Variants in MBD5 observed in about 807,000 individuals in gnomAD.
MBD5 encodes the protein methyl-CpG-binding domain protein 5.
A neutral mutation model predicts 117.3 loss-of-function variants in MBD5; 13 were observed. That is an observed-to-expected ratio of 0.11 (90% confidence interval 0.07 to 0.18). The LOEUF (loss-of-function observed/expected upper bound fraction) is 0.18, where lower values mean the gene tolerates loss of function less well. MBD5 is among the 10% of genes least tolerant of loss of function. MBD5 has a pLI of 1.00. For missense variants in MBD5, 1,879 were observed against 2,093.8 expected (o/e 0.90, Z 2.00); for synonymous variants, 727 against 766.4 (o/e 0.95, Z 0.85).
intron 3 of MBD5, among the ~76,000 whole-genome samples, chr2:148,282,902 C>G (rs1186231382): frequency 7.0e-6 from 1 of 143,680 alleles, no homozygotes; most frequent in Non-Finnish European, 1.5e-5. Context: ...CTTAACCGCC[C>G]CCCCCCATCA....
At chr2:148,174,899 A>T (rs1698348311) in intron 1 of MBD5, among the ~76,000 whole-genome samples, 1 of 152,174 alleles carries the variant, frequency 6.6e-6, no homozygotes, top group Non-Finnish European at 1.5e-5. Flanking sequence ...GTTCCTCAAT[A>T]AACTAAAAAT....
intron 4 of MBD5, among the ~76,000 whole-genome samples, chr2:148,391,317 T>G (rs192558518): frequency 1.0e-3 from 152 of 152,292 alleles, no homozygotes; most frequent in Admixed American, 5.3e-3. Context: ...TTTTATCATA[T>G]GAGTATATAT....
intron 3 of MBD5, among the ~76,000 whole-genome samples, chr2:148,313,896 G>C (rs1702093832): frequency 6.6e-6 from 1 of 152,078 alleles, no homozygotes; most frequent in Non-Finnish European, 1.5e-5. Context: ...AAGGGAGGGA[G>C]TTCTCTGACC....
chr2:148,492,397 C>A (rs912412806), intron 11 of MBD5, among the ~76,000 whole-genome samples: 1 of 151,830 alleles, frequency 6.6e-6, no homozygotes, highest in Non-Finnish European at 1.5e-5. Context: ...AAGTAAAAAC[C>A]TTTATATCAA....
At chr2:148,128,655 A>G (rs954172072) in intron 1 of MBD5, among the ~76,000 whole-genome samples, 2 of 152,228 alleles carry the variant, frequency 1.3e-5, no homozygotes, top group African/African-American at 4.8e-5. Flanking sequence ...CAACATGACT[A>G]TATGGTAGAT....
At chr2:148,273,268 G>A (rs879489025) in intron 3 of MBD5, among the ~76,000 whole-genome samples, 2 of 152,112 alleles carry the variant, frequency 1.3e-5, no homozygotes, top group Admixed American at 1.3e-4. Flanking sequence ...TTAAAACAAA[G>A]ATGATTAACA....
intron 4 of MBD5, among the ~76,000 whole-genome samples, chr2:148,357,954 T>C (rs934147778): frequency 2.3e-4 from 35 of 152,294 alleles, no homozygotes; most frequent in Non-Finnish European, 4.3e-4. Flanking sequence ...TGAACCTCCC[T>C]GTGTATCTAC....
chr2:148,227,431 C>T (rs376668206), intron 2 of MBD5, among the ~76,000 whole-genome samples: 106 of 152,138 alleles, frequency 7.0e-4, no homozygotes, highest in African/African-American at 2.0e-3. Flanking sequence ...TGTAGATACG[C>T]GGCATTATTT....
chr2:148,477,024 C>T (rs954286271), intron 8 of MBD5, among the ~76,000 whole-genome samples: 2 of 151,934 alleles, frequency 1.3e-5, no homozygotes, highest in South Asian at 2.1e-4. Context: ...AACCCTATTA[C>T]TTGAGTAAAC....
chr2:148,279,896 G>A (rs531779202), intron 3 of MBD5, among the ~76,000 whole-genome samples: 5 of 151,838 alleles, frequency 3.3e-5, no homozygotes, highest in African/African-American at 4.8e-5. Flanking sequence ...TGATCCTCCC[G>A]CCTCAACCTC....
chr2:148,290,795 A>C (rs1410577288), intron 3 of MBD5, among the ~76,000 whole-genome samples: 1 of 152,198 alleles, frequency 6.6e-6, no homozygotes, highest in Non-Finnish European at 1.5e-5. Flanking sequence ...CTTTTTAGCT[A>C]TAGTGAATAA....
chr2:148,496,017 G>A (rs1681691635), intron 11 of MBD5, among the ~76,000 whole-genome samples: 2 of 152,202 alleles, frequency 1.3e-5, no homozygotes, highest in South Asian at 4.1e-4. Flanking sequence ...TTTGAAGAAT[G>A]TTCTTTCTGT....
At chr2:148,509,960 T>C (rs1014556673) in intron 12 of MBD5, 100 bp from the exon 13 acceptor site, 26 of 918,732 alleles carry the variant, frequency 2.8e-5, no homozygotes, top group South Asian at 5.6e-5. Flanking sequence ...AAATTGGCTT[T>C]CTCTCGTGGA....
At chr2:148,144,809 C>G (rs1697409125) in intron 1 of MBD5, among the ~76,000 whole-genome samples, 1 of 152,024 alleles carries the variant, frequency 6.6e-6, no homozygotes, top group Non-Finnish European at 1.5e-5. Flanking sequence ...TGTTCTGTAT[C>G]TCTGTTTTGG....
intron 3 of MBD5, among the ~76,000 whole-genome samples, chr2:148,324,336 A>G (rs1163680671): frequency 2.0e-5 from 3 of 152,096 alleles, no homozygotes; most frequent in Non-Finnish European, 4.4e-5. Flanking sequence ...TTGTGGTTCC[A>G]TATGAACTTT....
In MBD5 at chr2:148,105,300, C is replaced by T. The variant is rs1291020901; in HGVS notation, c.-924-73400C>T. Among the ~76,000 whole-genome samples the T allele has an allele frequency of 2.6e-5, 4 of 151,906 alleles. No homozygotes were observed. In the East Asian group the frequency reaches 5.8e-4, roughly 22 times the overall value. ...AAAGCTCAATCTCAGTTCACTGCAACCTCTGCCTCCCAGGTTCAAGTGATC... is the reference window on the plus strand; with the variant it reads ...AAAGCTCAATCTCAGTTCACTGCAATCTCTGCCTCCCAGGTTCAAGTGATC... On this transcript the variant is annotated intron_variant, in intron 1 of 13. Transcript: ENST00000642680.
At chr2:148,141,950 T>G (rs1697326597) in intron 1 of MBD5, among the ~76,000 whole-genome samples, 2 of 151,994 alleles carry the variant, frequency 1.3e-5, no homozygotes, top group Non-Finnish European at 2.9e-5. Context: ...TACCCCAGCC[T>G]GGGCAACAGA....
intron 1 of MBD5, among the ~76,000 whole-genome samples, chr2:148,033,551 G>A (rs1048807735): frequency 6.6e-6 from 1 of 152,054 alleles, no homozygotes; most frequent in Admixed American, 6.6e-5. Flanking sequence ...TCTAATAACT[G>A]AAAATTCAAG....
At chr2:148,310,462 T>C (rs1702001631) in intron 3 of MBD5, among the ~76,000 whole-genome samples, 1 of 152,216 alleles carries the variant, frequency 6.6e-6, no homozygotes, top group Non-Finnish European at 1.5e-5. Context: ...CTGATGGTAG[T>C]TTGTATTTCT....
Sources: allele counts gnomAD v4.1 joint callset (sites outside exome capture counted in the v4.1 genomes callset), GRCh38; gene constraint gnomAD v4.1.1; transcripts MANE v1.5; gene names NCBI Gene and HGNC (gene_info 2026-07-23, HGNC 2026-07-21).